The following FLRT2 variants were observed in gnomAD, a reference collection of about 807,000 sequenced individuals.
FLRT2 encodes fibronectin leucine rich transmembrane protein 2.
A neutral mutation model predicts 40.0 loss-of-function variants in FLRT2; 15 were observed. The observed-to-expected ratio is 0.38, with a 90% confidence interval of 0.25 to 0.58. FLRT2 has a LOEUF of 0.58. Ranked by LOEUF, FLRT2 falls within the 20% of genes least tolerant of loss-of-function variation. The probability of loss-of-function intolerance (pLI) is 0.71; values close to 1 mark genes in which losing one functional copy is unlikely to be tolerated. For missense variants in FLRT2, 726 were observed against 840.0 expected, an observed-to-expected ratio of 0.86 and a Z score of 1.68; for synonymous variants, 380 against 336.8, an observed-to-expected ratio of 1.13 and a Z score of -1.41.
chr14:85,621,306 AC>A lies in FLRT2; in HGVS notation c.-208del, dbSNP rs1391758720. The stretch of plus-strand genomic sequence containing the variant: ...AAATTCTCCCTGTTGAATTTTTTGC[AC>A]ATGGAGGACAGCAGCAAAGAGGGCA... On this transcript the variant is annotated 5_prime_UTR_variant, in exon 2 of 2. The change abolishes the stop of an existing upstream ORF in the 5' untranslated region. Coordinates refer to ENST00000330753, the MANE Select transcript of FLRT2 (RefSeq NM_013231.6). 5.5e-6 allele frequency: 3 copies of A among 543,962 alleles called. No individual in the cohort carries two copies. The highest frequency in any genetic ancestry group is 9.5e-6 in the Non-Finnish European group (3 of 314,932). 33.7% of individuals were successfully genotyped at this position (543,962 alleles called of 1,614,324 possible). A position where few individuals can be genotyped will look rare whatever the true frequency, so the allele number is the denominator to read the frequency against.
intron 1 of FLRT2, among the ~76,000 whole-genome samples, chr14:85,584,137 A>C (rs1891514257): frequency 6.6e-6 from 1 of 152,128 alleles, no homozygotes; most frequent in Non-Finnish European, 1.5e-5. Flanking sequence ...CTCTACAATT[A>C]AATTGCTCTA....
In FLRT2 at chr14:85,628,033, C is replaced by T. The variant is rs918206454; in HGVS notation, c.*4536C>T. The T allele has an allele frequency of 1.3e-5, 2 of 158,840 alleles. No homozygotes were observed. Among genetic ancestry groups the T allele is most frequent in the Non-Finnish European group, 2.9e-5 (2 of 68,068 alleles). The allele number at this position is 158,840 out of a possible 1,614,324, so 9.8% of individuals were successfully genotyped here. ...GGAATAAAAGAGGTAATAGGACTTT[C>T]GTATTCTCCTATCATGAATATGACT... On this transcript the variant is annotated 3_prime_UTR_variant, in exon 2 of 2. Coordinates refer to ENST00000330753, the MANE Select transcript of FLRT2 (RefSeq NM_013231.6).
chr14:85,611,742 T>G (rs1892870815), intron 1 of FLRT2, among the ~76,000 whole-genome samples: 1 of 152,218 alleles, frequency 6.6e-6, no homozygotes. Flanking sequence ...GTTTTAAATC[T>G]TCTTTATCAT....
chr14:85,588,485 T>C (rs1271441937), intron 1 of FLRT2, among the ~76,000 whole-genome samples: 4 of 152,010 alleles, frequency 2.6e-5, no homozygotes, highest in Non-Finnish European at 5.9e-5. Flanking sequence ...TTTTTACTTT[T>C]TTTGGGTACA....
intron 1 of FLRT2, among the ~76,000 whole-genome samples, chr14:85,617,008 T>G (rs1001205523): frequency 7.2e-5 from 11 of 152,146 alleles, no homozygotes; most frequent in African/African-American, 2.7e-4. Context: ...GCCAACTTTC[T>G]AAAGCACTTG....
At chr14:85,584,534 T>C (rs1891530045) in intron 1 of FLRT2, among the ~76,000 whole-genome samples, 1 of 152,200 alleles carries the variant, frequency 6.6e-6, no homozygotes, top group African/African-American at 2.4e-5. Context: ...CTTTCTCCTC[T>C]TGGTGTCTTT....
rs1177449493 is a variant in FLRT2, at chr14:85,649,910, G to C, written c.*26413G>C. 1 of 151,894 alleles carries C rather than the reference G, an allele frequency of 6.6e-6. No individual in the cohort carries two copies. The highest frequency in any genetic ancestry group is 2.4e-5 in the African/African-American group (1 of 41,366). 9.4% of individuals were successfully genotyped at this position (151,894 alleles called of 1,614,324 possible). ...GTCCTAGGTGATTATAAAGTTTGTT[G>C]CTATAGTATTTCATTATTTTTTATT... On this transcript the variant is annotated 3_prime_UTR_variant, in exon 2 of 2. Transcript: ENST00000330753.
chr14:85,621,617 G>T lies in FLRT2; in HGVS notation c.103G>T (p.Ala35Ser). 1 of 1,613,928 alleles carries T rather than the reference G, an allele frequency of 6.2e-7. No individual in the cohort carries two copies. Among genetic ancestry groups the T allele is most frequent in the East Asian group, 2.2e-5 (1 of 44,870 alleles). ...GLYSQVSKLL[A>S]CPSVCRCDRN... The stretch of plus-strand genomic sequence containing the variant: ...CTACTCACAGGTGTCCAAACTCCTG[G>T]CCTGCCCTAGTGTGTGCCGCTGCGA... The change falls in exon 2 of 2, where the codon GCC becomes TCC. Residue 35 changes from alanine (A) to serine (S), a missense_variant. Around this residue, in one of 3 missense-constraint regions of FLRT2, gnomAD observed 106 missense variants for 121.2 expected, o/e 0.87. Transcript: ENST00000330753.
At chr14:85,577,857 A>G (rs1891187580) in intron 1 of FLRT2, among the ~76,000 whole-genome samples, 1 of 152,026 alleles carries the variant, frequency 6.6e-6, no homozygotes, top group Non-Finnish European at 1.5e-5. Flanking sequence ...CTGGGATTAC[A>G]GGTGTGAGCT....
At chr14:85,558,827 G>A (rs900371250) in intron 1 of FLRT2, among the ~76,000 whole-genome samples, 4 of 152,164 alleles carry the variant, frequency 2.6e-5, no homozygotes, top group African/African-American at 9.7e-5. Flanking sequence ...TTTGTCTTTA[G>A]AGTGATTGCT....
In FLRT2 at chr14:85,640,119, A is replaced by AT. The variant is rs1374498029; in HGVS notation, c.*16624dup. 6.6e-6 allele frequency: 1 copy of AT among 152,254 alleles called. No homozygotes were observed. The highest frequency in any genetic ancestry group is 1.5e-5 in the Non-Finnish European group (1 of 68,162). The allele number at this position is 152,254 out of a possible 1,614,324, so 9.4% of individuals were successfully genotyped here. On this transcript the variant is annotated 3_prime_UTR_variant, in exon 2 of 2. Transcript: ENST00000330753. ...CGCCTCGGCCTCCCAAAGTGCTGGG[A>AT]TTACAGGCGTGAGCCACTGCCCCCC...
chr14:85,610,035 C>T (rs900422875), intron 1 of FLRT2, among the ~76,000 whole-genome samples: 2 of 152,156 alleles, frequency 1.3e-5, no homozygotes, highest in Non-Finnish European at 2.9e-5. Flanking sequence ...GGACATTATG[C>T]TAAGCAGGGT....
At chr14:85,544,723 G>A (rs1298725586) in intron 1 of FLRT2, among the ~76,000 whole-genome samples, 1 of 152,130 alleles carries the variant, frequency 6.6e-6, no homozygotes, top group East Asian at 1.9e-4. Context: ...TGTGTTGATG[G>A]TTACAGGAAG....
rs1893465893 is a variant in FLRT2, at chr14:85,622,776, T to C, written c.1262T>C (p.Ile421Thr). 1 of 1,614,168 alleles carries C rather than the reference T, an allele frequency of 6.2e-7. No individual in the cohort carries two copies. The highest frequency in any genetic ancestry group is 8.5e-7 in the Non-Finnish European group (1 of 1,180,020). The stretch of plus-strand genomic sequence containing the variant: ...GGCAGAGAAAGAGTGACCCCACCTA[T>C]TTCTGAACGGATCCAGCTCTCTATC... The part of the protein sequence containing the change: ...WDGRERVTPP[I>T]SERIQLSIHF... Residue 421 changes from isoleucine (I) to threonine (T), a missense_variant, in exon 2 of 2, where the codon ATT becomes ACT. Physicochemically the swap from Ile to Thr is moderately conservative, Grantham distance 89. Transcript: ENST00000330753.
chr14:85,560,080 G>C (rs1227869848), intron 1 of FLRT2, among the ~76,000 whole-genome samples: 2 of 152,248 alleles, frequency 1.3e-5, no homozygotes, highest in East Asian at 3.9e-4. Context: ...TACCTTGTCT[G>C]TCCCAGCTCT....
intron 1 of FLRT2, among the ~76,000 whole-genome samples, chr14:85,602,914 T>G (rs1256803541): frequency 6.6e-6 from 1 of 152,208 alleles, no homozygotes; most frequent in African/African-American, 2.4e-5. Flanking sequence ...TGCTTTGTTT[T>G]GTTTTGTTTT....
At chr14:85,545,309 A>C (rs1020426776) in intron 1 of FLRT2, among the ~76,000 whole-genome samples, 1 of 152,196 alleles carries the variant, frequency 6.6e-6, no homozygotes, top group Non-Finnish European at 1.5e-5. Context: ...CTTGTACAGT[A>C]GGTTCTGTTG....
At chr14:85,556,954 A>G (rs536167011) in intron 1 of FLRT2, among the ~76,000 whole-genome samples, 4 of 152,304 alleles carry the variant, frequency 2.6e-5, no homozygotes, top group African/African-American at 9.6e-5. Flanking sequence ...CACTTCTTAC[A>G]TGGCAGCGGC....
rs1280697333 is a variant in FLRT2 at position 85,630,668 on chromosome 14, T to C, written c.*7171T>C. ...TTTGAGCAGAATATGGCCAGGCTGG[T>C]CTCAAACTCCTGATCTTAGGTGATC... On this transcript the variant is annotated 3_prime_UTR_variant, in exon 2 of 2. Transcript: ENST00000330753. 6.6e-6 allele frequency: 1 copy of C among 152,028 alleles called. No homozygotes were observed. Among genetic ancestry groups the C allele is most frequent in the African/African-American group, 2.4e-5 (1 of 41,374 alleles). The allele number at this position is 152,028 out of a possible 1,614,324, so 9.4% of individuals were successfully genotyped here. A position where few individuals can be genotyped will look rare whatever the true frequency, so the allele number is the denominator to read the frequency against.
Sources: allele counts gnomAD v4.1 joint callset (sites outside exome capture counted in the v4.1 genomes callset), GRCh38; gene constraint gnomAD v4.1.1; regional missense constraint gnomAD v4.1.1; transcripts MANE v1.5; gene names NCBI Gene and HGNC (gene_info 2026-07-23, HGNC 2026-07-21).